The following ZNF608 variants were observed in gnomAD, a reference collection of about 807,000 sequenced individuals.
The protein encoded by ZNF608 is zinc finger protein 608, also known as renal carcinoma antigen NY-REN-36.
In ZNF608, 12 loss-of-function variants were observed where a neutral mutation model predicts 109.0. That is an observed-to-expected ratio of 0.11 (90% CI 0.07 to 0.18). The LOEUF is 0.18. Among genes scored for constraint, ZNF608 ranks in the 10% least tolerant of loss-of-function variants. ZNF608 has a pLI of 1.00. For synonymous variants in ZNF608, 732 were observed against 717.4 expected (o/e 1.02, Z -0.33); for missense variants, 1,707 against 1,879.3 (o/e 0.91, Z 1.70).
intron 3 of ZNF608, among the ~76,000 whole-genome samples, chr5:124,681,086 C>T (rs114220670): frequency 6.6e-6 from 1 of 152,122 alleles, no homozygotes; most frequent in African/African-American, 2.4e-5. Flanking sequence ...TAAAGAAATA[C>T]ATCTATAAAA....
chr5:124,680,428 C>G (rs1301427136), intron 3 of ZNF608, among the ~76,000 whole-genome samples: 1 of 150,534 alleles, frequency 6.6e-6, no homozygotes, highest in Non-Finnish European at 1.5e-5. Flanking sequence ...CTCTTTTTTT[C>G]CAAAATTGGC....
At chr5:124,702,394 G>A (rs537593434) in intron 2 of ZNF608, among the ~76,000 whole-genome samples, 4 of 151,246 alleles carry the variant, frequency 2.6e-5, no homozygotes, top group South Asian at 2.1e-4. Flanking sequence ...AGGGCGCATC[G>A]AAGATCATTC....
At position 124,643,560 on chromosome 5, in the gene ZNF608, A is replaced by C. The variant is rs764594975; in HGVS notation, c.4247T>G (p.Leu1416Arg). The C allele has an allele frequency of 6.2e-7, 1 of 1,614,214 alleles. No homozygotes were observed. The highest frequency in any genetic ancestry group is 8.5e-7 in the Non-Finnish European group (1 of 1,180,028). The change falls in exon 7 of 10, where the codon CTG becomes CGG. Residue 1416 changes from leucine (L) to arginine (R), a missense_variant. Physicochemically the swap from Leu to Arg is moderately radical, Grantham distance 102. Around this residue, in one of 7 missense-constraint regions of ZNF608, gnomAD observed 1,073 missense variants for 1,133.5 expected, o/e 0.95. Transcript: ENST00000513986. Reference sequence around the variant, plus strand: ...GTTAGCATGCTGCTGGAGCAAATCCAGTGCTTTAGATTCAGTGGTTGTTTT... The same window carrying C: ...GTTAGCATGCTGCTGGAGCAAATCCCGTGCTTTAGATTCAGTGGTTGTTTT... ...NTKTTTESKALDLLQQHANQY... is the reference protein window; with the variant it reads ...NTKTTTESKARDLLQQHANQY...
upstream of ZNF608, chr5:124,748,510 A>G (rs1561602605): frequency 5.1e-6 from 5 of 984,422 alleles, no homozygotes; most frequent in African/African-American, 1.7e-5. Context: ...CTATATAGAG[A>G]CACACCACGC....
At chr5:124,721,339 T>A (rs1403183816) in intron 2 of ZNF608, among the ~76,000 whole-genome samples, 1 of 152,076 alleles carries the variant, frequency 6.6e-6, no homozygotes, top group Non-Finnish European at 1.5e-5. Context: ...TAAAAGAGAA[T>A]CCAATTCAAC....
At chr5:124,693,711 C>G (rs1752709165) in intron 3 of ZNF608, among the ~76,000 whole-genome samples, 1 of 152,122 alleles carries the variant, frequency 6.6e-6, no homozygotes, top group Non-Finnish European at 1.5e-5. Context: ...AAGTGACGGT[C>G]TATGTTGTTG....
intron 3 of ZNF608, among the ~76,000 whole-genome samples, chr5:124,663,655 T>G (rs903293910): frequency 2.0e-5 from 3 of 152,220 alleles, no homozygotes; most frequent in African/African-American, 7.2e-5. Flanking sequence ...CTTTATTTAG[T>G]ACATCTCAGC....
intron 3 of ZNF608, among the ~76,000 whole-genome samples, chr5:124,666,709 CTGTGTGTGTGTG>C (rs10546271): frequency 0.028 from 3,940 of 141,022 alleles, 123 homozygotes; most frequent in African/African-American, 0.067. Context: ...TGGGTTTGCT[CTGTGTGTGTGTG>C]TGTGTGTGTG....
At chr5:124,655,572 T>C (rs1417578115) in intron 3 of ZNF608, among the ~76,000 whole-genome samples, 6 of 152,342 alleles carry the variant, frequency 3.9e-5, no homozygotes, top group African/African-American at 1.2e-4. Flanking sequence ...ATTTCTTTCC[T>C]TTTATATATT....
rs115182331 is a variant in ZNF608 at position 124,654,929 on chromosome 5, T to C, written c.1163-5232A>G. On this transcript the variant is annotated intron_variant, in intron 3 of 9. Coordinates refer to ENST00000513986, the MANE Select transcript of ZNF608 (RefSeq NM_020747.3). ...GTAATACATGGCCCCCATAATATTT[T>C]ACTCTGCTTGTATACACAGTATGCC... 3.1e-3 allele frequency among the ~76,000 whole-genome samples: 469 copies of C among 152,310 alleles called. 1 individual carries two copies. Among genetic ancestry groups the C allele is most frequent in the South Asian group, 4.8e-3 (23 of 4,826 alleles).
At chr5:124,733,715 T>G (rs1174469956) in intron 2 of ZNF608, among the ~76,000 whole-genome samples, 1 of 152,196 alleles carries the variant, frequency 6.6e-6, no homozygotes, top group Non-Finnish European at 1.5e-5. Context: ...CCCAACATTT[T>G]AAATTTTTAA....
At chr5:124,643,082 T>C (rs1398754462) in intron 7 of ZNF608, among the ~76,000 whole-genome samples, 2 of 152,150 alleles carry the variant, frequency 1.3e-5, no homozygotes, top group Non-Finnish European at 1.5e-5. Flanking sequence ...CAAGAAAACA[T>C]TTTTTGAAAA....
At chr5:124,665,174 T>TC (rs200766882) in intron 3 of ZNF608, among the ~76,000 whole-genome samples, 1,462 of 109,842 alleles carry the variant, frequency 0.013, 7 homozygotes, top group African/African-American at 0.036. Flanking sequence ...AGACTCCACC[T>TC]CCCCCCAAAA....
chr5:124,717,030 C>G (rs1419027421), intron 2 of ZNF608, among the ~76,000 whole-genome samples: 1 of 151,976 alleles, frequency 6.6e-6, no homozygotes, highest in Admixed American at 6.6e-5. Context: ...TGCAGTGAGC[C>G]AAGATGACAC....
chr5:124,703,103 T>C (rs1188532347), intron 2 of ZNF608, among the ~76,000 whole-genome samples: 1 of 152,140 alleles, frequency 6.6e-6, no homozygotes, highest in East Asian at 1.9e-4. Flanking sequence ...TTTTTTTGCA[T>C]GCTTTCCAGC....
In ZNF608 at chr5:124,684,807, G is replaced by A. The variant is rs139573959; in HGVS notation, c.1162+16207C>T. 2.0e-3 allele frequency among the ~76,000 whole-genome samples: 299 copies of A among 152,108 alleles called. 1 individual carries two copies. The highest frequency in any genetic ancestry group is 3.4e-3 in the Middle Eastern group (1 of 294). On this transcript the variant is annotated intron_variant, in intron 3 of 9. Coordinates refer to ENST00000513986, the MANE Select transcript of ZNF608 (RefSeq NM_020747.3). Reference sequence around the variant, plus strand: ...CAATCACGCCATTTTGTTTTAATTCGGTTTTTCTCATGGTTTAGCTACAGG... The same window carrying A: ...CAATCACGCCATTTTGTTTTAATTCAGTTTTTCTCATGGTTTAGCTACAGG...
intron 2 of ZNF608, among the ~76,000 whole-genome samples, chr5:124,720,581 G>A (rs1166033091): frequency 6.6e-6 from 1 of 152,102 alleles, no homozygotes; most frequent in Non-Finnish European, 1.5e-5. Context: ...ATACTTTTTG[G>A]AAAAATAAAT....
chr5:124,717,715 A>T (rs1753758405), intron 2 of ZNF608, among the ~76,000 whole-genome samples: 3 of 152,150 alleles, frequency 2.0e-5, no homozygotes, highest in Admixed American at 1.3e-4. Context: ...GAGGAAAGTT[A>T]ACTCAAGACC....
At chr5:124,652,649 CTA>C (rs1750842829) in intron 3 of ZNF608, among the ~76,000 whole-genome samples, 1 of 152,174 alleles carries the variant, frequency 6.6e-6, no homozygotes, top group Non-Finnish European at 1.5e-5. Flanking sequence ...GTAAGAAGGT[CTA>C]TGTTTAGACA....
Sources: gnomAD v4.1 joint callset for allele counts (sites outside exome capture counted in the v4.1 genomes callset) on GRCh38, gnomAD v4.1.1 for gene constraint, gnomAD v4.1.1 regional missense constraint, MANE v1.5 for transcripts, NCBI Gene and HGNC (gene_info 2026-07-23, HGNC 2026-07-21) for gene names.